MYO1E: variants seen among roughly 807,000 people sequenced by gnomAD.
MYO1E encodes myosin IE, also known as unconventional myosin-Ie.
MYO1E carries 68 observed loss-of-function variants against 151.1 expected under a neutral mutation model. The ratio of observed to expected loss-of-function variants is 0.45; its 90% CI spans 0.37 to 0.55. The LOEUF is 0.55. Ranked by LOEUF, MYO1E falls within the 20% of genes least tolerant of loss-of-function variation. MYO1E has a pLI of 0.00. For missense variants in MYO1E, 1,363 were observed against 1,389.3 expected (o/e 0.98, Z 0.30); for synonymous variants, 601 against 501.7 (o/e 1.20, Z -2.64).
intron 1 of MYO1E, among the ~76,000 whole-genome samples, chr15:59,301,016 T>C (rs953840832): frequency 6.6e-6 from 1 of 151,966 alleles, no homozygotes; most frequent in African/African-American, 2.4e-5. Context: ...TACAGGCACA[T>C]GCCACCATAC....
chr15:59,278,356 G>A (rs2080333843), intron 1 of MYO1E, among the ~76,000 whole-genome samples: 1 of 152,198 alleles, frequency 6.6e-6, no homozygotes, highest in Non-Finnish European at 1.5e-5. Flanking sequence ...CAGTCAAACT[G>A]AGCTTGTTTT....
At chr15:59,257,151 T>C (rs1425825069) in intron 3 of MYO1E, among the ~76,000 whole-genome samples, 1 of 152,200 alleles carries the variant, frequency 6.6e-6, no homozygotes, top group Non-Finnish European at 1.5e-5. Flanking sequence ...ACACCTACCT[T>C]TACCACAACC....
chr15:59,327,830 A>G (rs1042134743), intron 1 of MYO1E, among the ~76,000 whole-genome samples: 10 of 152,214 alleles, frequency 6.6e-5, no homozygotes, highest in Admixed American at 4.6e-4. Context: ...CAACTTGTAC[A>G]TGAAGGGGCT....
chr15:59,210,597 C>T lies in MYO1E; in HGVS notation c.1279G>A (p.Glu427Lys). The T allele has an allele frequency of 6.3e-7, 1 of 1,585,900 alleles. No homozygotes were observed. The highest frequency in any genetic ancestry group is 8.7e-7 in the Non-Finnish European group (1 of 1,154,260). ...CATCTTATTCCCTCTTGAACATATTCTTCCTGTAACACAGAGACAAGGAAC... is the reference window on the plus strand; with the variant it reads ...CATCTTATTCCCTCTTGAACATATTTTTCCTGTAACACAGAGACAAGGAAC... ...IELTLKAEQE[E>K]YVQEGIRWTP... Residue 427 changes from glutamate (E) to lysine (K), a missense_variant, in exon 13 of 28, where the codon GAA (glutamate) becomes AAA (lysine). Coordinates refer to ENST00000288235, the MANE Select transcript of MYO1E (RefSeq NM_004998.4).
intron 1 of MYO1E, among the ~76,000 whole-genome samples, chr15:59,349,574 A>C (rs1012814293): frequency 6.6e-6 from 1 of 152,208 alleles, no homozygotes; most frequent in Non-Finnish European, 1.5e-5. Flanking sequence ...TTTTCAAATA[A>C]GCAAACTATC....
At chr15:59,306,689 T>C (rs1203709279) in intron 1 of MYO1E, among the ~76,000 whole-genome samples, 2 of 152,248 alleles carry the variant, frequency 1.3e-5, no homozygotes, top group Non-Finnish European at 2.9e-5. Context: ...TGATTCATCA[T>C]ATCCCTTAGG....
intron 1 of MYO1E, among the ~76,000 whole-genome samples, chr15:59,295,603 C>T (rs963917446): frequency 4.6e-5 from 7 of 152,102 alleles, no homozygotes; most frequent in South Asian, 2.1e-4. Flanking sequence ...CCCCATCCAG[C>T]GAGAGAAAAT....
rs965139338 is a variant in MYO1E, at chr15:59,350,056, G to A, written c.3+22442C>T. 6.6e-6 allele frequency among the ~76,000 whole-genome samples: 1 copy of A among 152,180 alleles called. No individual in the cohort carries two copies. The highest frequency in any genetic ancestry group is 2.4e-5 in the African/African-American group (1 of 41,442). On this transcript the variant is annotated intron_variant, in intron 1 of 27. Transcript: ENST00000288235. The surrounding 1 kb of genome is among the most constrained non-coding windows in gnomAD (Gnocchi z 5.0). ...GGTGCGTTACATAGTCCCAATGGTG[G>A]TATCTAAGGCATTTTATAATTTTCT...
intron 6 of MYO1E, among the ~76,000 whole-genome samples, chr15:59,229,773 C>T (rs2080014543): frequency 6.6e-6 from 1 of 151,152 alleles, no homozygotes; most frequent in Non-Finnish European, 1.5e-5. Flanking sequence ...ATAATTCTAC[C>T]CTGATGCCAC....
intron 18 of MYO1E, among the ~76,000 whole-genome samples, chr15:59,185,914 G>A (rs190452558): frequency 2.6e-5 from 4 of 152,282 alleles, no homozygotes; most frequent in Admixed American, 2.0e-4. Flanking sequence ...AGACTTCGCA[G>A]CAAAGAATCT....
In MYO1E at chr15:59,195,358, A is replaced by T. The variant is rs2079760024; in HGVS notation, c.1805+103T>A. 3.0e-6 allele frequency: 3 copies of T among 999,106 alleles called. No homozygotes were observed. In the Admixed American group the frequency reaches 5.2e-5, roughly 17 times the overall value. 61.9% of individuals were successfully genotyped at this position (999,106 alleles called of 1,614,324 possible). On this transcript the variant is annotated intron_variant, in intron 17 of 27. Coordinates refer to ENST00000288235, the MANE Select transcript of MYO1E (RefSeq NM_004998.4). ...TAAGATGCAAGGGCATGACAAAGACATGTGCGGACAACTGACACTGCTCCT... is the reference window on the plus strand; with the variant it reads ...TAAGATGCAAGGGCATGACAAAGACTTGTGCGGACAACTGACACTGCTCCT...
intron 1 of MYO1E, among the ~76,000 whole-genome samples, chr15:59,342,259 T>C (rs1475854900): frequency 1.3e-5 from 2 of 152,248 alleles, no homozygotes; most frequent in Non-Finnish European, 1.5e-5. Context: ...GAGTTCCTTC[T>C]GTATTCTGGT....
intron 4 of MYO1E, among the ~76,000 whole-genome samples, chr15:59,252,394 C>T (rs1273638629): frequency 6.6e-6 from 1 of 152,044 alleles, no homozygotes; most frequent in South Asian, 2.1e-4. Context: ...ACCAGCCTGG[C>T]TAACATGGTG....
chr15:59,298,082 G>A (rs534254771), intron 1 of MYO1E, among the ~76,000 whole-genome samples: 1 of 152,202 alleles, frequency 6.6e-6, no homozygotes, highest in South Asian at 2.1e-4. Context: ...TTCATCATTT[G>A]GTTAAGTATT....
chr15:59,188,231 AAAT>A lies in MYO1E; in HGVS notation c.1806-18_1806-16del. 1.2e-6 allele frequency: 2 copies of A among 1,600,108 alleles called. No individual in the cohort carries two copies. The highest frequency in any genetic ancestry group is 1.7e-6 in the Non-Finnish European group (2 of 1,167,482). ...GATGCTTTACCCTGTGCAAAGGAGA[AAAT>A]GGGGCCTGGACATTACTGGATAATC... On this transcript the variant is annotated splice_polypyrimidine_tract_variant and intron_variant, in intron 17 of 27. Transcript: ENST00000288235.
intron 2 of MYO1E, among the ~76,000 whole-genome samples, chr15:59,266,475 C>A (rs2080253988): frequency 6.6e-6 from 1 of 152,102 alleles, no homozygotes; most frequent in Non-Finnish European, 1.5e-5. Context: ...TTTTCATTGA[C>A]CTGCAGCAAG....
At chr15:59,195,711 T>C (rs1243833055) in intron 16 of MYO1E, 144 bp from the exon 17 acceptor site, 1 of 833,370 alleles carries the variant, frequency 1.2e-6, no homozygotes, top group South Asian at 1.5e-5. Flanking sequence ...ATAACTCAGG[T>C]CTACTAAACT....
chr15:59,220,394 A>C (rs1566983102), intron 9 of MYO1E, among the ~76,000 whole-genome samples: 1 of 152,242 alleles, frequency 6.6e-6, no homozygotes, highest in African/African-American at 2.4e-5. Flanking sequence ...GGTTGCAGTG[A>C]GCCGAGATAG....
At chr15:59,202,677 C>G (rs1307401140) in intron 15 of MYO1E, among the ~76,000 whole-genome samples, 1 of 152,174 alleles carries the variant, frequency 6.6e-6, no homozygotes, top group Non-Finnish European at 1.5e-5. Context: ...TCCAACGTCC[C>G]TAGTCACAGG....
Sources: allele counts gnomAD v4.1 joint callset (sites outside exome capture counted in the v4.1 genomes callset), GRCh38; gene constraint gnomAD v4.1.1; non-coding constraint Gnocchi (gnomAD v3.1); transcripts MANE v1.5; gene names NCBI Gene and HGNC (gene_info 2026-07-23, HGNC 2026-07-21).